Variants in HTR1F observed in about 807,000 individuals in gnomAD.
HTR1F encodes 5-hydroxytryptamine (serotonin) receptor 1F, G protein-coupled.
HTR1F carries 17 observed loss-of-function variants against 24.0 expected under a neutral mutation model. The ratio of observed to expected loss-of-function variants is 0.71; its 90% CI spans 0.48 to 1.06. HTR1F has a LOEUF of 1.06. HTR1F is among the 50% of genes least tolerant of loss of function. The pLI is 0.00. For synonymous variants in HTR1F, 186 were observed against 156.8 expected, an observed-to-expected ratio of 1.19 and a Z score of -1.39; for missense variants, 391 against 427.8, an observed-to-expected ratio of 0.91 and a Z score of 0.76.
chr3:87,939,424 G>A (rs2107434263), intron 2 of HTR1F, among the ~76,000 whole-genome samples: 1 of 152,236 alleles, frequency 6.6e-6, no homozygotes, highest in Middle Eastern at 3.4e-3. Context: ...TTTCTCTATT[G>A]TTTGGAATAA....
chr3:87,799,085 G>T (rs1703953710), intron 1 of HTR1F, among the ~76,000 whole-genome samples: 1 of 152,152 alleles, frequency 6.6e-6, no homozygotes. Context: ...ACAAATATTT[G>T]CAGATAATTT....
At chr3:87,969,434 G>T (rs924295413) in intron 2 of HTR1F, among the ~76,000 whole-genome samples, 6 of 152,198 alleles carry the variant, frequency 3.9e-5, no homozygotes, top group South Asian at 2.1e-4. Context: ...GTGAGACAGG[G>T]AGTCAAAGGA....
intron 2 of HTR1F, among the ~76,000 whole-genome samples, chr3:87,899,686 A>G (rs1398725736): frequency 6.6e-6 from 1 of 152,108 alleles, no homozygotes; most frequent in Non-Finnish European, 1.5e-5. Flanking sequence ...AACATAGTGA[A>G]ACCCCGTCCG....
chr3:87,823,423 A>G (rs1458570668), intron 2 of HTR1F, among the ~76,000 whole-genome samples: 6 of 151,886 alleles, frequency 4.0e-5, no homozygotes, highest in Non-Finnish European at 8.8e-5. Flanking sequence ...CCTTTTCAAG[A>G]CCTCTAGATG....
chr3:87,890,398 C>T (rs183831170), intron 2 of HTR1F, among the ~76,000 whole-genome samples: 3 of 152,204 alleles, frequency 2.0e-5, no homozygotes, highest in Admixed American at 1.3e-4. Flanking sequence ...CGGAGTGAAG[C>T]ATGAGTAATG....
At chr3:87,829,044 C>CAA (rs536460252) in intron 2 of HTR1F, among the ~76,000 whole-genome samples, 1 of 130,992 alleles carries the variant, frequency 7.6e-6, no homozygotes, top group East Asian at 2.3e-4. Context: ...GTCAGCATAC[C>CAA]AAAAAAAAAA....
intron 1 of HTR1F, among the ~76,000 whole-genome samples, chr3:87,805,528 T>G (rs749351870): frequency 6.6e-5 from 10 of 152,088 alleles, no homozygotes; most frequent in Non-Finnish European, 1.3e-4. Context: ...TTTACATATA[T>G]AGAGAGTACA....
intron 2 of HTR1F, among the ~76,000 whole-genome samples, chr3:87,937,351 C>G (rs1368056843): frequency 6.6e-6 from 1 of 151,990 alleles, no homozygotes; most frequent in African/African-American, 2.4e-5. Context: ...ATTAGGTAAA[C>G]AGAACTAAAA....
At chr3:87,911,147 C>CA (rs1054931443) in intron 2 of HTR1F, among the ~76,000 whole-genome samples, 1 of 151,578 alleles carries the variant, frequency 6.6e-6, no homozygotes, top group African/African-American at 2.4e-5. Context: ...GATCAAGACA[C>CA]AAAAAAACAC....
chr3:87,974,879 G>A (rs1705361664), intron 2 of HTR1F, among the ~76,000 whole-genome samples: 1 of 152,094 alleles, frequency 6.6e-6, no homozygotes, highest in African/African-American at 2.4e-5. Flanking sequence ...AAACAAGTTT[G>A]GAGGTTTAGC....
intron 2 of HTR1F, among the ~76,000 whole-genome samples, chr3:87,875,549 T>C (rs1405677743): frequency 3.3e-5 from 5 of 152,012 alleles, no homozygotes; most frequent in Admixed American, 1.3e-4. Context: ...GTAAAACATA[T>C]ATTTGATAAG....
rs57368229 is a variant in HTR1F, at chr3:87,794,982, C to CTTT, written c.-160+2166_-160+2168dup. On this transcript the variant is annotated intron_variant, in intron 1 of 2. Coordinates refer to ENST00000319595, the MANE Select transcript of HTR1F (RefSeq NM_001322209.2). ...CAAAGACTTTCAAAATTATGACTGA[C>CTTT]TTTTTTTTTTTTTTTTTTTTTTTTT... Among the ~76,000 whole-genome samples, 42 of 90,426 alleles carry CTTT rather than the reference C, an allele frequency of 4.6e-4. 3 individuals are homozygous for CTTT. The highest frequency in any genetic ancestry group is 1.7e-3 in the African/African-American group (37 of 22,180). 59.3% of individuals were successfully genotyped at this position (90,426 alleles called of 152,430 possible).
At chr3:87,972,993 T>C (rs150453596) in intron 2 of HTR1F, among the ~76,000 whole-genome samples, 78 of 118,998 alleles carry the variant, frequency 6.6e-4, no homozygotes, top group African/African-American at 2.1e-3. Flanking sequence ...CAACTCCATC[T>C]CTACTAAAAT....
At chr3:87,918,170 TC>T (rs1192582625) in intron 2 of HTR1F, among the ~76,000 whole-genome samples, 1 of 151,922 alleles carries the variant, frequency 6.6e-6, no homozygotes, top group African/African-American at 2.4e-5. Context: ...AAATCCAGCA[TC>T]CCTTTATGAT....
chr3:87,984,492 T>C (rs1374686176), intron 2 of HTR1F, among the ~76,000 whole-genome samples: 1 of 152,192 alleles, frequency 6.6e-6, no homozygotes, highest in Non-Finnish European at 1.5e-5. Context: ...TTTTGCTCTT[T>C]CGCTTCTGTT....
intron 2 of HTR1F, among the ~76,000 whole-genome samples, chr3:87,930,999 C>T (rs1704250201): frequency 6.8e-6 from 1 of 147,836 alleles, no homozygotes; most frequent in African/African-American, 2.5e-5. Flanking sequence ...TTCTTTTCAA[C>T]AACAGCATAC....
intron 2 of HTR1F, among the ~76,000 whole-genome samples, chr3:87,921,284 C>T (rs1054130905): frequency 5.3e-5 from 8 of 151,884 alleles, no homozygotes; most frequent in African/African-American, 1.9e-4. Context: ...TACAGTCTTT[C>T]ATGTGAGAAG....
At chr3:87,856,109 A>T (rs1390473969) in intron 2 of HTR1F, among the ~76,000 whole-genome samples, 5 of 152,112 alleles carry the variant, frequency 3.3e-5, no homozygotes, top group African/African-American at 7.2e-5. Context: ...ACATTCACAT[A>T]ACCTTTATTA....
intron 2 of HTR1F, among the ~76,000 whole-genome samples, chr3:87,939,080 A>G (rs1299411725): frequency 1.3e-5 from 2 of 152,186 alleles, no homozygotes; most frequent in African/African-American, 4.8e-5. Flanking sequence ...AATTTACAAG[A>G]GAAAAACAAC....
Sources: gnomAD v4.1 joint callset for allele counts (sites outside exome capture counted in the v4.1 genomes callset) on GRCh38, gnomAD v4.1.1 for gene constraint, MANE v1.5 for transcripts, NCBI Gene and HGNC (gene_info 2026-07-23, HGNC 2026-07-21) for gene names.